GPI: variants seen among roughly 807,000 people sequenced by gnomAD.
The protein encoded by GPI is D-hexose-6-phosphate anomerase.
GPI carries 56 observed loss-of-function variants against 75.8 expected under a neutral mutation model. The ratio of observed to expected loss-of-function variants is 0.74; its 90% CI spans 0.60 to 0.92. The LOEUF is 0.92. GPI is among the 40% of genes least tolerant of loss of function. GPI has a pLI of 0.00. For synonymous variants in GPI, 288 were observed against 285.4 expected, an observed-to-expected ratio of 1.01 and a Z score of -0.09; for missense variants, 638 against 741.0, an observed-to-expected ratio of 0.86 and a Z score of 1.61.
upstream of GPI, chr19:34,364,704 C>A (rs2074327845): frequency 5.1e-6 from 2 of 392,712 alleles, no homozygotes; most frequent in Non-Finnish European, 9.1e-6. Flanking sequence ...AATTGCAACC[C>A]CGATTCTCAG....
intron 7 of GPI, 54 bp from the exon 8 acceptor site, chr19:34,379,464 A>G: frequency 4.0e-6 from 6 of 1,511,902 alleles, no homozygotes; most frequent in Non-Finnish European, 5.5e-6. Context: ...ATGGGAAGTG[A>G]CTACCCTTTG....
intron 4 of GPI, among the ~76,000 whole-genome samples, chr19:34,373,036 T>C (rs1365381980): frequency 6.6e-6 from 1 of 151,912 alleles, no homozygotes; most frequent in African/African-American, 2.4e-5. Context: ...CCTCCCAAAG[T>C]GCTGGGATTA....
intron 1 of GPI, chr19:34,365,921 TG>T (rs998092180): frequency 2.1e-6 from 1 of 479,608 alleles, no homozygotes; most frequent in Admixed American, 2.3e-5. Flanking sequence ...GAGCAAATCA[TG>T]GGCGGGAGTG....
Position 34,377,962 on chromosome 19 carries a change from G to T in GPI, c.633+81G>T. The T allele has an allele frequency of 2.1e-6, 3 of 1,451,122 alleles. No homozygotes were observed. The South Asian group carries it at 3.4e-5, about 17-fold the overall frequency. 89.9% of individuals were successfully genotyped at this position (1,451,122 alleles called of 1,614,324 possible). A position where few individuals can be genotyped will look rare whatever the true frequency, so the allele number is the denominator to read the frequency against. On this transcript the variant is annotated intron_variant, in intron 6 of 17. Transcript: ENST00000356487. ...GGACAGCTGTCTTGCCATCCCCCTG[G>T]CCATTGGTCCCTTTTGGTGGGTTCC...
At chr19:34,389,344 T>C (rs1342180528) in intron 9 of GPI, among the ~76,000 whole-genome samples, 1 of 152,170 alleles carries the variant, frequency 6.6e-6, no homozygotes, top group Non-Finnish European at 1.5e-5. Context: ...GCTTGTTTGC[T>C]TCTGTCCTTG....
chr19:34,396,471 G>A (rs200893902), intron 13 of GPI, 41 bp downstream of exon 13: 1 of 1,613,670 alleles, frequency 6.2e-7, no homozygotes. Context: ...TTGGGGGAGG[G>A]AAAGGATCTT....
chr19:34,384,854 C>T (rs1278415536), intron 9 of GPI, among the ~76,000 whole-genome samples: 1 of 151,982 alleles, frequency 6.6e-6, no homozygotes, highest in Non-Finnish European at 1.5e-5. Flanking sequence ...ACCAGCCTGG[C>T]CAGCATAGCG....
intron 6 of GPI, 70 bp downstream of exon 6, chr19:34,377,951 C>T: frequency 2.6e-6 from 4 of 1,531,778 alleles, no homozygotes; most frequent in Middle Eastern, 1.9e-4. Context: ...AGCTGTCTTG[C>T]CATCCCCCTG....
intron 1 of GPI, chr19:34,365,852 T>C: frequency 2.1e-6 from 1 of 470,326 alleles, no homozygotes; most frequent in Non-Finnish European, 4.2e-6. Flanking sequence ...GATGGAGACG[T>C]CGGGCGTGAT....
chr19:34,369,257 C>G (rs1226523083), intron 4 of GPI, among the ~76,000 whole-genome samples: 1 of 151,830 alleles, frequency 6.6e-6, no homozygotes, highest in Non-Finnish European at 1.5e-5. Context: ...CCATGTTGGC[C>G]AGGCTGGTCT....
intron 9 of GPI, among the ~76,000 whole-genome samples, chr19:34,384,341 T>C (rs1241380977): frequency 2.6e-5 from 4 of 152,046 alleles, no homozygotes; most frequent in African/African-American, 9.7e-5. Context: ...GTTTCAGGGG[T>C]TAAGGTGAGA....
intron 9 of GPI, among the ~76,000 whole-genome samples, chr19:34,389,829 G>C (rs921486862): frequency 6.6e-6 from 1 of 152,122 alleles, no homozygotes; most frequent in Non-Finnish European, 1.5e-5. Context: ...ACATTTATTG[G>C]CATGATTATT....
intron 9 of GPI, chr19:34,392,941 A>T: frequency 2.2e-6 from 1 of 445,618 alleles, no homozygotes; most frequent in South Asian, 2.1e-5. Context: ...GTGTCTGAGG[A>T]GGTGGGCCCT....
At chr19:34,371,469 T>C (rs1375840486) in intron 4 of GPI, among the ~76,000 whole-genome samples, 2 of 152,116 alleles carry the variant, frequency 1.3e-5, no homozygotes, top group East Asian at 3.9e-4. Context: ...CAGGATGGAC[T>C]GGGAAGTTGA....
At chr19:34,394,135 G>A in intron 12 of GPI, 69 bp downstream of exon 12, 1 of 1,211,484 alleles carries the variant, frequency 8.3e-7, no homozygotes, top group Non-Finnish European at 1.2e-6. Flanking sequence ...CTAGGAACCT[G>A]GGTTTCAGCT....
intron 4 of GPI, 112 bp from the exon 5 acceptor site, chr19:34,377,391 G>A: frequency 1.5e-6 from 1 of 657,070 alleles, no homozygotes; most frequent in Admixed American, 2.4e-5. Flanking sequence ...AGAGGCACCT[G>A]CGAGGGCCTG....
chr19:34,381,434 G>T (rs746749925), intron 8 of GPI, 32 bp from the exon 9 acceptor site: 1 of 1,488,454 alleles, frequency 6.7e-7, no homozygotes, highest in Non-Finnish European at 9.4e-7. Context: ...ATGCTTCTTT[G>T]CATTTCTCTC....
intron 9 of GPI, among the ~76,000 whole-genome samples, chr19:34,383,473 G>C (rs2074686257): frequency 6.6e-6 from 1 of 152,214 alleles, no homozygotes; most frequent in Non-Finnish European, 1.5e-5. Context: ...TCCGAAAAGT[G>C]AGGATCAGGT....
intron 9 of GPI, among the ~76,000 whole-genome samples, chr19:34,384,792 C>T (rs1423437417): frequency 6.6e-6 from 1 of 152,156 alleles, no homozygotes; most frequent in Non-Finnish European, 1.5e-5. Flanking sequence ...CCTATAATCC[C>T]AGCAATTTGG....
Sources: allele counts gnomAD v4.1 joint callset (sites outside exome capture counted in the v4.1 genomes callset), GRCh38; gene constraint gnomAD v4.1.1; transcripts MANE v1.5; gene names NCBI Gene and HGNC (gene_info 2026-07-23, HGNC 2026-07-21).